MED12L: variants seen among roughly 807,000 people sequenced by gnomAD.
MED12L encodes the protein mediator of RNA polymerase II transcription subunit 12-like protein.
Under a neutral mutation model 281.3 loss-of-function variants are expected in MED12L, and 60 were observed. That is an observed-to-expected ratio of 0.21 (90% CI 0.17 to 0.26). The LOEUF (loss-of-function observed/expected upper bound fraction) is 0.26. MED12L is among the 10% of genes least tolerant of loss of function. The pLI is 1.00. For missense variants in MED12L, 2,146 were observed against 2,680.9 expected (o/e 0.80, Z 4.41); for synonymous variants, 974 against 987.2 (o/e 0.99, Z 0.25).
At chr3:151,412,535 A>G (rs1434396461) in intron 41 of MED12L, among the ~76,000 whole-genome samples, 1 of 152,196 alleles carries the variant, frequency 6.6e-6, no homozygotes, top group African/African-American at 2.4e-5. Context: ...ACTCCAAGTA[A>G]TCGCTCTTTG....
intron 26 of MED12L, among the ~76,000 whole-genome samples, chr3:151,370,231 G>A (rs62285878): frequency 0.056 from 8,543 of 152,058 alleles, 325 homozygotes; most frequent in East Asian, 0.1. Flanking sequence ...AAATCTTAAA[G>A]GCTTTGAATG....
intron 39 of MED12L, among the ~76,000 whole-genome samples, chr3:151,398,298 G>T (rs1715244173): frequency 6.6e-6 from 1 of 152,188 alleles, no homozygotes; most frequent in Admixed American, 6.5e-5. Context: ...CTGAACTCAG[G>T]ATATATCTAA....
At chr3:151,142,343 T>C (rs1442135285) in intron 5 of MED12L, among the ~76,000 whole-genome samples, 1 of 152,228 alleles carries the variant, frequency 6.6e-6, no homozygotes, top group Non-Finnish European at 1.5e-5. Flanking sequence ...AAAAGCTCAA[T>C]GTTTAATGAG....
chr3:151,393,661 G>A (rs980136442), intron 38 of MED12L, among the ~76,000 whole-genome samples: 3 of 152,028 alleles, frequency 2.0e-5, no homozygotes, highest in Non-Finnish European at 4.4e-5. Context: ...ACAAACCAGG[G>A]GATAGTTTTG....
intron 21 of MED12L, among the ~76,000 whole-genome samples, chr3:151,362,318 G>A (rs1754710459): frequency 6.6e-6 from 1 of 152,016 alleles, no homozygotes; most frequent in Non-Finnish European, 1.5e-5. Context: ...TCCCTACCTA[G>A]CCTTCAAGAT....
At position 151,365,967 on chromosome 3, in the gene MED12L, T is replaced by C; in HGVS notation, c.3303T>C (p.Phe1101=). The C allele has an allele frequency of 1.2e-6, 2 of 1,611,708 alleles. No homozygotes were observed. Among genetic ancestry groups the C allele is most frequent in the African/African-American group, 1.3e-5 (1 of 74,906 alleles). The part of the protein sequence containing the change: ...LCCSSNHVWG[F]NDVLCTVDVS... ...GTTCTTCAAATCACGTGTGGGGGTT[T>C]AATGATGTACTTTGCACTGTAGATG... Residue 1101 remains phenylalanine, a synonymous_variant, in exon 23 of 45, where the codon TTT becomes TTC. Coordinates refer to ENST00000687756, the MANE Select transcript of MED12L (RefSeq NM_001393769.1).
chr3:151,321,946 G>C (rs1212946344), intron 16 of MED12L, among the ~76,000 whole-genome samples: 1 of 151,858 alleles, frequency 6.6e-6, no homozygotes, highest in East Asian at 1.9e-4. Context: ...AATGAGAATG[G>C]AGGCAAGGAA....
intron 16 of MED12L, among the ~76,000 whole-genome samples, chr3:151,241,464 T>A (rs908541787): frequency 1.3e-5 from 2 of 152,156 alleles, no homozygotes; most frequent in Non-Finnish European, 2.9e-5. Flanking sequence ...ATGTTTTGTG[T>A]TGAAGAAACA....
chr3:151,383,142 A>G (rs1482963358), intron 33 of MED12L, among the ~76,000 whole-genome samples: 2 of 152,270 alleles, frequency 1.3e-5, no homozygotes, highest in Non-Finnish European at 2.9e-5. Flanking sequence ...GATTATAAAG[A>G]CAAATCCCAC....
chr3:151,230,274 G>A (rs1206760409), intron 16 of MED12L, among the ~76,000 whole-genome samples: 2 of 152,134 alleles, frequency 1.3e-5, no homozygotes, highest in African/African-American at 2.4e-5. Flanking sequence ...GCACCCGGCC[G>A]GGATCTGTTC....
Position 151,114,420 on chromosome 3 carries a change from C to T in MED12L, c.100-1918C>T, listed in dbSNP as rs569040490. Among the ~76,000 whole-genome samples the T allele has an allele frequency of 5.9e-5, 9 of 152,346 alleles. No homozygotes were observed. In the East Asian group the frequency reaches 1.7e-3, roughly 29 times the overall value. ...GCATGTCTCCAGGAGACCTCTTTCT[C>T]AGCTAGGGTGACCTTTTTAGAGTTT... On this transcript the variant is annotated intron_variant, in intron 2 of 44. Transcript: ENST00000687756.
At chr3:151,351,362 A>G (rs142462591) in intron 17 of MED12L, among the ~76,000 whole-genome samples, 402 of 152,260 alleles carry the variant, frequency 2.6e-3, no homozygotes, top group African/African-American at 9.1e-3. Context: ...ACACAGTGGG[A>G]AAGTTATCCT....
intron 2 of MED12L, among the ~76,000 whole-genome samples, chr3:151,093,011 G>A (rs2148621369): frequency 6.6e-6 from 1 of 152,348 alleles, no homozygotes; most frequent in Middle Eastern, 3.4e-3. Context: ...GGGTCTGCCA[G>A]CCTCTGCAGC....
chr3:151,311,619 A>G (rs1747527049), intron 16 of MED12L, among the ~76,000 whole-genome samples: 1 of 152,220 alleles, frequency 6.6e-6, no homozygotes, highest in African/African-American at 2.4e-5. Flanking sequence ...CTTAGGTGTG[A>G]CAACTAGAAT....
chr3:151,422,829 T>C (rs1359243360), intron 43 of MED12L, among the ~76,000 whole-genome samples: 3 of 150,828 alleles, frequency 2.0e-5, no homozygotes, highest in Admixed American at 2.0e-4. Context: ...CTTTTTTTTT[T>C]TTTTTTTGAA....
chr3:151,407,214 C>T (rs950492048), intron 39 of MED12L, among the ~76,000 whole-genome samples: 26 of 152,142 alleles, frequency 1.7e-4, no homozygotes, highest in African/African-American at 6.3e-4. Context: ...CCATGTAAGT[C>T]ATAATGTGTT....
Position 151,145,812 on chromosome 3 carries a change from C to T in MED12L, c.557-10349C>T, listed in dbSNP as rs186487682. ...GTTGATGGCACCAGGACCACCCATT[C>T]GGAAATGTGTTAGCTGCCCTTTCTC... On this transcript the variant is annotated intron_variant, in intron 5 of 44. Coordinates refer to ENST00000687756, the MANE Select transcript of MED12L (RefSeq NM_001393769.1). 2.2e-3 allele frequency among the ~76,000 whole-genome samples: 341 copies of T among 152,320 alleles called. 8 individuals are homozygous for T. The South Asian group carries it at 0.059, about 26-fold the overall frequency.
At chr3:151,236,955 A>G (rs1732943684) in intron 16 of MED12L, among the ~76,000 whole-genome samples, 1 of 151,706 alleles carries the variant, frequency 6.6e-6, no homozygotes, top group African/African-American at 2.4e-5. Context: ...ATTGATGGAC[A>G]TTTGAAAATT....
intron 42 of MED12L, among the ~76,000 whole-genome samples, chr3:151,414,885 A>G (rs898936809): frequency 5.9e-5 from 9 of 152,196 alleles, no homozygotes; most frequent in Non-Finnish European, 1.2e-4. Flanking sequence ...AATATGTAGA[A>G]AGGATTAAAT....
Sources: allele counts gnomAD v4.1 joint callset (sites outside exome capture counted in the v4.1 genomes callset), GRCh38; gene constraint gnomAD v4.1.1; transcripts MANE v1.5; gene names NCBI Gene and HGNC (gene_info 2026-07-23, HGNC 2026-07-21).